ZNF99: variants seen among roughly 807,000 people sequenced by gnomAD.
ZNF99 encodes the protein zinc finger protein 99.
A neutral mutation model predicts 12.8 loss-of-function variants in ZNF99; 8 were observed. The ratio of observed to expected loss-of-function variants is 0.62; its 90% CI spans 0.37 to 1.13. The LOEUF is 1.13. Ranked by LOEUF, ZNF99 falls within the 50% of genes most tolerant of loss-of-function variation. The pLI, the probability that ZNF99 is intolerant of heterozygous loss-of-function variation, is 0.02. For synonymous variants in ZNF99, 318 were observed against 319.0 expected, an observed-to-expected ratio of 1.00 and a Z score of 0.03; for missense variants, 1,007 against 1,006.2, an observed-to-expected ratio of 1.00 and a Z score of -0.01.
chr19:22,759,877 A>G (rs2145144416), intron 3 of ZNF99, among the ~76,000 whole-genome samples, 195 bp from the exon 4 acceptor site: 1 of 152,322 alleles, frequency 6.6e-6, no homozygotes, highest in South Asian at 2.1e-4. Flanking sequence ...AAAATTTATA[A>G]ATAAGTTAAG....
At chr19:22,782,659 GCCTTT>G (rs1973401423) in intron 1 of ZNF99, among the ~76,000 whole-genome samples, 1 of 113,622 alleles carries the variant, frequency 8.8e-6, no homozygotes, top group African/African-American at 3.7e-5. Context: ...ACCGCACCTG[GCCTTT>G]TTTTTTTTTT....
intron 1 of ZNF99, among the ~76,000 whole-genome samples, chr19:22,775,331 G>C (rs951271638): frequency 2.0e-5 from 3 of 152,124 alleles, no homozygotes; most frequent in African/African-American, 7.2e-5. Context: ...TTTAATAAAT[G>C]GTACTGGGAA....
Position 22,756,828 on chromosome 19 carries a change from A to T in ZNF99, c.*486T>A. Reference sequence around the variant, plus strand: ...CAGTATAATTATCTCATGTTTTCTAAGGGCTGAGAAATGCTTAAAAGCTTT... The same window carrying T: ...CAGTATAATTATCTCATGTTTTCTATGGGCTGAGAAATGCTTAAAAGCTTT... On this transcript the variant is annotated 3_prime_UTR_variant, in exon 4 of 4. Transcript: ENST00000596209. The T allele has an allele frequency of 1.2e-6, 2 of 1,612,670 alleles. No homozygotes were observed. The highest frequency in any genetic ancestry group is 1.7e-6 in the Non-Finnish European group (2 of 1,179,456).
intron 2 of ZNF99, 123 bp from the exon 3 acceptor site, chr19:22,768,523 T>C (rs1441176486): frequency 4.5e-5 from 34 of 761,736 alleles, no homozygotes; most frequent in Non-Finnish European, 6.2e-5. Flanking sequence ...ATAACATAAA[T>C]TTCTAAATAT....
rs752556885 is a variant in ZNF99 at position 22,758,140 on chromosome 19, T to C, written c.1769A>G (p.Glu590Gly). ...ACATTCTTCACATTTGTAGGGTTTCTCCCCAGTATGAATTGCTTTATGTCT... is the reference window on the plus strand; with the variant it reads ...ACATTCTTCACATTTGTAGGGTTTCCCCCCAGTATGAATTGCTTTATGTCT... ...LTRHKAIHTG[E>G]KPYKCEECGK... is the part of the protein sequence containing the mutation. Residue 590 changes from glutamate to glycine, a missense_variant, in exon 4 of 4, where the codon GAG becomes GGG. Coordinates refer to ENST00000596209, the MANE Select transcript of ZNF99 (RefSeq NM_001080409.3). The C allele has an allele frequency of 6.2e-7, 1 of 1,613,680 alleles. No homozygotes were observed. Among genetic ancestry groups the C allele is most frequent in the Non-Finnish European group, 8.5e-7 (1 of 1,179,736 alleles).
chr19:22,762,935 C>T (rs529524058), intron 3 of ZNF99, among the ~76,000 whole-genome samples: 18 of 152,218 alleles, frequency 1.2e-4, no homozygotes, highest in East Asian at 5.8e-4. Context: ...AATCCAGCAA[C>T]GCTTTATGAT....
At position 22,759,288 on chromosome 19, in the gene ZNF99, G is replaced by T; in HGVS notation, c.621C>A (p.Gly207=). 2 of 1,550,160 alleles carry T rather than the reference G, an allele frequency of 1.3e-6. No individual in the cohort carries two copies. The highest frequency in any genetic ancestry group is 1.7e-6 in the Non-Finnish European group (2 of 1,148,336). ...GGGTTGAGAACCATTTAAAGGCTTT[G>T]CCACGTTCTTCACATTTGTAGATAT... ...RENIYKCEER[G]KAFKWFSTLI... The change falls in exon 4 of 4, where the codon GGC becomes GGA. Residue 207 remains glycine (G), a synonymous_variant. Coordinates refer to ENST00000596209, the MANE Select transcript of ZNF99 (RefSeq NM_001080409.3).
chr19:22,758,670 A>T lies in ZNF99; in HGVS notation c.1239T>A (p.Thr413=). The change falls in exon 4 of 4, where the codon ACT becomes ACA. Residue 413 remains threonine, a synonymous_variant. Transcript: ENST00000596209. Reference sequence around the variant, plus strand: ...CTGCAGTATGAATTACCTTATGTACAGTAAGTTTTGAGGACCACTTAAAAG... The same window carrying T: ...CTGCAGTATGAATTACCTTATGTACTGTAAGTTTTGAGGACCACTTAAAAG... The part of the protein sequence containing the change: ...GKAFKWSSKL[T]VHKVIHTAEK... 14 of 1,611,502 alleles carry T rather than the reference A, an allele frequency of 8.7e-6. No individual in the cohort carries two copies. Among genetic ancestry groups the T allele is most frequent in the Non-Finnish European group, 1.2e-5 (14 of 1,179,156 alleles).
Position 22,757,114 on chromosome 19 carries a change from T to A in ZNF99, c.*200A>T. The A allele has an allele frequency of 6.2e-7, 1 of 1,612,822 alleles. No homozygotes were observed. Among genetic ancestry groups the A allele is most frequent in the South Asian group, 1.1e-5 (1 of 91,020 alleles). ...AATTGTTAAAAGCTTTTCCACATTC[T>A]CCACATTTGTAGGGCTTCTCCCCAG... is the stretch of plus-strand genomic sequence containing the variant. On this transcript the variant is annotated 3_prime_UTR_variant, in exon 4 of 4. Coordinates refer to ENST00000596209, the MANE Select transcript of ZNF99 (RefSeq NM_001080409.3).
At chr19:22,760,410 C>A (rs1304798255) in intron 3 of ZNF99, among the ~76,000 whole-genome samples, 1 of 152,124 alleles carries the variant, frequency 6.6e-6, no homozygotes, top group African/African-American at 2.4e-5. Context: ...TTATGTTTCT[C>A]ATGACACAAA....
chr19:22,769,362 T>C, intron 1 of ZNF99, 38 bp from the exon 2 acceptor site: 2 of 1,581,096 alleles, frequency 1.3e-6, no homozygotes, highest in Non-Finnish European at 8.6e-7. Flanking sequence ...GATTTCCCAA[T>C]TGGCCATGGA....
At chr19:22,774,889 G>C (rs1973309309) in intron 1 of ZNF99, among the ~76,000 whole-genome samples, 2 of 151,664 alleles carry the variant, frequency 1.3e-5, no homozygotes, top group Non-Finnish European at 2.9e-5. Context: ...AAAAAGAAAA[G>C]AAAAAGAAAA....
Position 22,784,057 on chromosome 19 carries a change from C to A in ZNF99, c.-41G>T, listed in dbSNP as rs775283572. On this transcript the variant is annotated 5_prime_UTR_variant, in exon 1 of 4. Transcript: ENST00000596209. ...GGGTCCTGGCGTCCTAGCTGTGGAT[C>A]TCCAAATACCTACAGGTCACAGGGC... is the stretch of plus-strand genomic sequence containing the variant. 1 of 1,612,420 alleles carries A rather than the reference C, an allele frequency of 6.2e-7. No homozygotes were observed. The highest frequency in any genetic ancestry group is 2.2e-5 in the East Asian group (1 of 44,840).
chr19:22,752,870 A>G lies in ZNF99; in HGVS notation c.*4444T>C, dbSNP rs1252967817. 2.0e-5 allele frequency: 3 copies of G among 152,180 alleles called. No homozygotes were observed. The highest frequency in any genetic ancestry group is 2.1e-4 in the South Asian group (1 of 4,834). The allele number at this position is 152,180 out of a possible 1,614,324, so 9.4% of individuals were successfully genotyped here. A position where few individuals can be genotyped will look rare whatever the true frequency, so the allele number is the denominator to read the frequency against. On this transcript the variant is annotated 3_prime_UTR_variant, in exon 4 of 4. Transcript: ENST00000596209. ...TTTTCTCACTATAATGCACAAAAAT[A>G]TATTCCTCAGAACACCTACCTCATA...
In ZNF99 at chr19:22,759,338, GTTGAA is replaced by G. The variant is rs1356562844; in HGVS notation, c.566_570del (p.Ile189ThrfsTer2). On this transcript the variant is annotated frameshift_variant, in exon 4 of 4. Transcript: ENST00000596209. LOFTEE classifies it low-confidence loss of function (END_TRUNC). ...TTCTCTCTAGTATGAATTCTCTTAT[GTTGAA>G]TTAAGTGTGAAAGCATGAAAAATGA... 1.3e-6 allele frequency: 2 copies of G among 1,548,982 alleles called. No homozygotes were observed. Among genetic ancestry groups the G allele is most frequent in the Admixed American group, 3.9e-5 (2 of 50,866 alleles).
At chr19:22,769,910 CAT>C in intron 1 of ZNF99, 1 of 1,361,028 alleles carries the variant, frequency 7.3e-7, no homozygotes, top group Non-Finnish European at 9.8e-7. Context: ...GGCATGATAA[CAT>C]GTACATTTTT....
intron 1 of ZNF99, chr19:22,770,471 C>T (rs1429266079): frequency 6.6e-6 from 1 of 152,596 alleles, no homozygotes; most frequent in Non-Finnish European, 1.5e-5. Context: ...ATTCTCCTGC[C>T]TCAGCCTCCC....
chr19:22,777,549 C>T (rs1275000186), intron 1 of ZNF99, among the ~76,000 whole-genome samples: 1 of 152,132 alleles, frequency 6.6e-6, no homozygotes, highest in East Asian at 1.9e-4. Context: ...AACAAAAAAA[C>T]TCTATGGGTG....
chr19:22,757,391 T>A lies in ZNF99; in HGVS notation c.2518A>T (p.Met840Leu). Residue 840 changes from methionine to leucine, a missense_variant, in exon 4 of 4, where the codon ATG becomes TTG. By Grantham distance (15) the Met-to-Leu change is conservative. Transcript: ENST00000596209. Reference protein sequence around the residue: ...SKLTLHKVIHMERNPANVKNV... With the variant: ...SKLTLHKVIHLERNPANVKNV... ...TTCACATTTGCAGGGTTTCTCTCCA[T>A]ATGAATTACCTTATGTAAAGTAAGT... 2.5e-6 allele frequency: 4 copies of A among 1,575,634 alleles called. No homozygotes were observed. Among genetic ancestry groups the A allele is most frequent in the Non-Finnish European group, 3.4e-6 (4 of 1,162,278 alleles).
Sources: gnomAD v4.1 joint callset for allele counts (sites outside exome capture counted in the v4.1 genomes callset) on GRCh38, gnomAD v4.1.1 for gene constraint, MANE v1.5 for transcripts, NCBI Gene and HGNC (gene_info 2026-07-23, HGNC 2026-07-21) for gene names.